The following RBFOX1 variants were observed in gnomAD, a reference collection of about 807,000 sequenced individuals.
The protein encoded by RBFOX1 is RNA binding fox-1 homolog 1, also known as RNA binding protein fox-1 homolog 1.
RBFOX1 carries 8 observed loss-of-function variants against 57.7 expected under a neutral mutation model. The observed-to-expected ratio is 0.14, with a 90% CI of 0.08 to 0.25. The LOEUF is 0.25. Among genes scored for constraint, RBFOX1 ranks in the 10% least tolerant of loss-of-function variants. The pLI is 1.00. For missense variants in RBFOX1, 611 were observed against 548.5 expected, an observed-to-expected ratio of 1.11 and a Z score of -1.14; for synonymous variants, 326 against 222.4, an observed-to-expected ratio of 1.47 and a Z score of -4.15.
intron 4 of RBFOX1, among the ~76,000 whole-genome samples, chr16:5,919,716 G>A (rs556252162): frequency 6.6e-5 from 10 of 152,196 alleles, no homozygotes; most frequent in South Asian, 2.1e-4. Flanking sequence ...CCTTGATCTC[G>A]TTTCAAAACA....
At chr16:5,611,615 C>T in intron 3 of RBFOX1, among the ~76,000 whole-genome samples, 1 of 152,076 alleles carries the variant, frequency 6.6e-6, no homozygotes, top group East Asian at 1.9e-4. Flanking sequence ...ACTAGTGATT[C>T]ACCTATCCAT....
chr16:5,552,413 T>C (rs547469902), intron 2 of RBFOX1, among the ~76,000 whole-genome samples: 1 of 152,310 alleles, frequency 6.6e-6, no homozygotes, highest in African/African-American at 2.4e-5. Context: ...AAGGTTTCTG[T>C]ATTAAATGCT....
intron 4 of RBFOX1, among the ~76,000 whole-genome samples, chr16:7,271,575 G>A (rs1603466139): frequency 6.6e-6 from 1 of 152,064 alleles, no homozygotes; most frequent in Admixed American, 6.5e-5. Flanking sequence ...TCGATGTTAT[G>A]AGTTGAAGCA....
intron 2 of RBFOX1, among the ~76,000 whole-genome samples, chr16:6,398,521 A>C (rs1379601130): frequency 6.6e-6 from 1 of 152,012 alleles, no homozygotes. Context: ...GGATAAATAC[A>C]CTCATTCCAA....
At chr16:6,649,123 T>A (rs1290216818) in intron 2 of RBFOX1, among the ~76,000 whole-genome samples, 2 of 152,202 alleles carry the variant, frequency 1.3e-5, no homozygotes, top group Admixed American at 1.3e-4. Flanking sequence ...GTAGTGAGGG[T>A]AGTCCCTGCC....
At chr16:6,150,702 G>A (rs1410421510) in intron 1 of RBFOX1, among the ~76,000 whole-genome samples, 3 of 151,950 alleles carry the variant, frequency 2.0e-5, no homozygotes, top group Non-Finnish European at 2.9e-5. Context: ...CTCTTTCCAC[G>A]GCTGGAATCT....
chr16:5,387,677 A>G (rs968262695), intron 1 of RBFOX1, among the ~76,000 whole-genome samples: 3 of 152,326 alleles, frequency 2.0e-5, no homozygotes, highest in Admixed American at 6.5e-5. Context: ...GTCTGGCATG[A>G]AAGGTGGAAT....
chr16:5,394,446 A>G (rs2066494346), intron 1 of RBFOX1, among the ~76,000 whole-genome samples: 1 of 151,858 alleles, frequency 6.6e-6, no homozygotes, highest in Admixed American at 6.6e-5. Context: ...TCCATTTCTC[A>G]TTATATCATC....
chr16:7,620,677 G>T (rs2059170422), intron 10 of RBFOX1, among the ~76,000 whole-genome samples: 1 of 152,154 alleles, frequency 6.6e-6, no homozygotes, highest in Non-Finnish European at 1.5e-5. Flanking sequence ...GTTGTAATGG[G>T]GGTAATGGAT....
intron 4 of RBFOX1, among the ~76,000 whole-genome samples, chr16:7,475,599 C>T (rs2062500901): frequency 6.6e-6 from 1 of 152,058 alleles, no homozygotes; most frequent in Non-Finnish European, 1.5e-5. Context: ...AGGTGTGAGC[C>T]ACACACCCAG....
chr16:5,377,605 CAA>C, intron 1 of RBFOX1, among the ~76,000 whole-genome samples: 1 of 150,134 alleles, frequency 6.7e-6, no homozygotes, highest in Non-Finnish European at 1.5e-5. Context: ...AGAGAAAGAA[CAA>C]GAGAGAGACA....
At chr16:6,318,190 C>T (rs757068596) in intron 2 of RBFOX1, among the ~76,000 whole-genome samples, 12 of 152,158 alleles carry the variant, frequency 7.9e-5, no homozygotes, top group African/African-American at 2.2e-4. Flanking sequence ...AATGACTTAG[C>T]GTAACCCTGA....
In RBFOX1 at chr16:6,967,464, C is replaced by G. The variant is rs987244969; in HGVS notation, c.-15-84593C>G. ...TTTGGAGCTAGGATTAGGATGGGGG[C>G]AGTGGATAGGATAGGAGCAGTGGAT... On this transcript the variant is annotated intron_variant, in intron 3 of 15. Transcript: ENST00000550418. Among the ~76,000 whole-genome samples, 11 of 152,106 alleles carry G rather than the reference C, an allele frequency of 7.2e-5. 1 individual carries two copies. Among genetic ancestry groups the G allele is most frequent in the Admixed American group, 2.0e-4 (3 of 15,262 alleles).
chr16:6,100,926 G>A (rs1427388957), intron 1 of RBFOX1, among the ~76,000 whole-genome samples: 2 of 152,100 alleles, frequency 1.3e-5, no homozygotes, highest in African/African-American at 2.4e-5. Context: ...TGACTGTGTG[G>A]CCAATCTTCC....
At chr16:7,156,139 G>C (rs994567061) in intron 4 of RBFOX1, among the ~76,000 whole-genome samples, 5 of 151,682 alleles carry the variant, frequency 3.3e-5, no homozygotes, top group Non-Finnish European at 7.4e-5. Flanking sequence ...TCAAGGTGCT[G>C]GGATCACAAG....
chr16:7,280,190 A>C (rs1320943209), intron 4 of RBFOX1, among the ~76,000 whole-genome samples: 1 of 152,194 alleles, frequency 6.6e-6, no homozygotes, highest in East Asian at 1.9e-4. Flanking sequence ...ACCTTGACTA[A>C]ATTCAGCTGT....
intron 4 of RBFOX1, among the ~76,000 whole-genome samples, chr16:7,103,177 C>T (rs745456086): frequency 2.0e-5 from 3 of 152,004 alleles, no homozygotes; most frequent in African/African-American, 7.2e-5. Flanking sequence ...TTGCACATTT[C>T]TTTCCAAGTT....
At position 6,522,898 on chromosome 16, in the gene RBFOX1, C is replaced by G. The variant is rs115562993; in HGVS notation, c.-63-131705C>G. Among the ~76,000 whole-genome samples, 367 of 152,218 alleles carry G rather than the reference C, an allele frequency of 2.4e-3. 3 individuals are homozygous for G. Among genetic ancestry groups the G allele is most frequent in the African/African-American group, 8.5e-3 (353 of 41,542 alleles). On this transcript the variant is annotated intron_variant, in intron 2 of 15. Coordinates refer to ENST00000550418, the MANE Select transcript of RBFOX1 (RefSeq NM_018723.4). ...TCTTTGTTTCTCTTCCTTGATCCCACCTAAGTTCATTTTGGACTCGGGGAC... is the reference window on the plus strand; with the variant it reads ...TCTTTGTTTCTCTTCCTTGATCCCAGCTAAGTTCATTTTGGACTCGGGGAC...
In RBFOX1 at chr16:6,453,949, A is replaced by T. The variant is rs554189469; in HGVS notation, c.-64+136892A>T. Reference sequence around the variant, plus strand: ...AAACTTAATTGTCTCTCAGTTCTGGAGGCCGAAGTCCAAATCCAAGGCGTT... The same window carrying T: ...AAACTTAATTGTCTCTCAGTTCTGGTGGCCGAAGTCCAAATCCAAGGCGTT... On this transcript the variant is annotated intron_variant, in intron 2 of 15. Transcript: ENST00000550418. Among the ~76,000 whole-genome samples, 3 of 152,312 alleles carry T rather than the reference A, an allele frequency of 2.0e-5. No individual in the cohort carries two copies. The South Asian group carries it at 6.2e-4, about 32-fold the overall frequency.
Sources: gnomAD v4.1 joint callset for allele counts (sites outside exome capture counted in the v4.1 genomes callset) on GRCh38, gnomAD v4.1.1 for gene constraint, MANE v1.5 for transcripts, NCBI Gene and HGNC (gene_info 2026-07-23, HGNC 2026-07-21) for gene names.